ZNF761: variants seen among roughly 807,000 people sequenced by gnomAD.
ZNF761 encodes the protein zinc finger protein 761.
Under a neutral mutation model 59.9 loss-of-function variants are expected in ZNF761, and 43 were observed. The ratio of observed to expected loss-of-function variants is 0.72; its 90% confidence interval spans 0.56 to 0.92. The LOEUF (loss-of-function observed/expected upper bound fraction) is 0.92, where lower values mean the gene tolerates loss of function less well. Ranked by LOEUF, ZNF761 falls within the 40% of genes least tolerant of loss-of-function variation. ZNF761 has a pLI of 0.00. For synonymous variants in ZNF761, 294 were observed against 304.8 expected, an observed-to-expected ratio of 0.96 and a Z score of 0.37; for missense variants, 850 against 906.1, an observed-to-expected ratio of 0.94 and a Z score of 0.79.
chr19:53,441,770 A>G (rs1320637912), intron 1 of ZNF761: 1 of 903,060 alleles, frequency 1.1e-6, no homozygotes, highest in Non-Finnish European at 1.7e-6. Flanking sequence ...AGTTTTCAAA[A>G]TTTCTTTTTT....
At position 53,457,212 on chromosome 19, in the gene ZNF761, T is replaced by A; in HGVS notation, c.*464T>A. The A allele has an allele frequency of 2.0e-6, 1 of 490,242 alleles. No homozygotes were observed. The highest frequency in any genetic ancestry group is 4.1e-6 in the Non-Finnish European group (1 of 244,592). 30.4% of individuals were successfully genotyped at this position (490,242 alleles called of 1,614,324 possible). ...TAATGCTACAACCATTGTGAATCAC[T>A]GGAGAATCCATAAGGAAGAGAGATC... is the stretch of plus-strand genomic sequence containing the variant. On this transcript the variant is annotated 3_prime_UTR_variant, in exon 5 of 5. Coordinates refer to ENST00000684525, the MANE Select transcript of ZNF761 (RefSeq NM_001289951.2).
At chr19:53,446,063 GGCCCTGT>G (rs2086156209) in intron 1 of ZNF761, among the ~76,000 whole-genome samples, 157 bp from the exon 2 acceptor site, 1 of 152,124 alleles carries the variant, frequency 6.6e-6, no homozygotes, top group African/African-American at 2.4e-5. Flanking sequence ...AAATGATCAC[GGCCCTGT>G]GCCTTTCTTC....
At chr19:53,444,974 C>G (rs199665715) in intron 1 of ZNF761, 1 of 137,546 alleles carries the variant, frequency 7.3e-6, no homozygotes, top group African/African-American at 2.6e-5. Context: ...TCTTTTTTTT[C>G]TTTTTTTTCT....
At chr19:53,433,225 G>C (rs1289876631) in intron 1 of ZNF761, among the ~76,000 whole-genome samples, 1 of 152,164 alleles carries the variant, frequency 6.6e-6, no homozygotes, top group Non-Finnish European at 1.5e-5. Flanking sequence ...CAAAGACGGA[G>C]TGGGGTTTTT....
rs1182505635 is a variant in ZNF761, at chr19:53,455,536, CCAT to C, written c.1034_1036del (p.His345del). On this transcript the variant is annotated inframe_deletion, in exon 5 of 5. Coordinates refer to ENST00000684525, the MANE Select transcript of ZNF761 (RefSeq NM_001289951.2). ...TTAGGCAGAAGTCAATCCTTACACG[CCAT>C]CATCGACTTCATACTGGAGAGAAAC... 3 of 1,612,920 alleles carry C rather than the reference CCAT, an allele frequency of 1.9e-6. No individual in the cohort carries two copies. The highest frequency in any genetic ancestry group is 2.2e-5 in the South Asian group (2 of 90,914).
chr19:53,454,815 A>C lies in ZNF761; in HGVS notation c.308A>C (p.Glu103Ala), dbSNP rs2086249871. The C allele has an allele frequency of 6.2e-7, 1 of 1,614,088 alleles. No individual in the cohort carries two copies. The highest frequency in any genetic ancestry group is 1.3e-5 in the African/African-American group (1 of 74,942). The change falls in exon 5 of 5, where the codon GAA becomes GCA. Residue 103 changes from glutamate to alanine, a missense_variant. Glu to Ala is a moderately radical substitution (Grantham distance 107). Coordinates refer to ENST00000684525, the MANE Select transcript of ZNF761 (RefSeq NM_001289951.2). ...DIHDYEFQWQ[E>A]DERNGHEAPM... ...CATGACTATGAATTTCAATGGCAAG[A>C]AGATGAAAGAAATGGCCATGAAGCA...
At chr19:53,436,596 C>T (rs1013967752) in intron 1 of ZNF761, among the ~76,000 whole-genome samples, 13 of 152,172 alleles carry the variant, frequency 8.5e-5, no homozygotes, top group South Asian at 2.1e-4. Flanking sequence ...CCAGTTCATG[C>T]GCTTTACTTT....
chr19:53,452,529 AAT>A (rs2086230729), intron 4 of ZNF761, among the ~76,000 whole-genome samples: 1 of 152,078 alleles, frequency 6.6e-6, no homozygotes, highest in African/African-American at 2.4e-5. Context: ...ACTACACTCC[AAT>A]GTGGGTGACA....
chr19:53,456,952 G>T lies in ZNF761; in HGVS notation c.*204G>T. On this transcript the variant is annotated 3_prime_UTR_variant, in exon 5 of 5. Coordinates refer to ENST00000684525, the MANE Select transcript of ZNF761 (RefSeq NM_001289951.2). ...AGTTTACAGTCGCACATCAAACCGT[G>T]AAAGACAGGAGAATTCATACTGGAG... The T allele has an allele frequency of 1.4e-6, 1 of 719,568 alleles. No individual in the cohort carries two copies. The highest frequency in any genetic ancestry group is 1.7e-5 in the South Asian group (1 of 58,240). 44.6% of individuals were successfully genotyped at this position (719,568 alleles called of 1,614,324 possible).
At chr19:53,433,117 T>C (rs1600077196) in intron 1 of ZNF761, among the ~76,000 whole-genome samples, 1 of 151,598 alleles carries the variant, frequency 6.6e-6, no homozygotes, top group East Asian at 1.9e-4. Context: ...TGCGGGAAAC[T>C]GAGGACTAGA....
chr19:53,451,887 A>G (rs929302929), intron 4 of ZNF761, among the ~76,000 whole-genome samples: 1 of 151,692 alleles, frequency 6.6e-6, no homozygotes, highest in Non-Finnish European at 1.5e-5. Flanking sequence ...ATGCCTGGCC[A>G]GCCTCAAAGT....
At chr19:53,439,771 G>A (rs1393795004) in intron 1 of ZNF761, among the ~76,000 whole-genome samples, 1 of 152,114 alleles carries the variant, frequency 6.6e-6, no homozygotes, top group Non-Finnish European at 1.5e-5. Flanking sequence ...AGTGTTCTAA[G>A]GCGACTGGCA....
intron 1 of ZNF761, chr19:53,442,570 T>A: frequency 1.5e-6 from 1 of 662,576 alleles, no homozygotes; most frequent in Non-Finnish European, 2.8e-6. Context: ...ACACAAAGGA[T>A]GCTGGACCAG....
intron 2 of ZNF761, among the ~76,000 whole-genome samples, 195 bp downstream of exon 2, chr19:53,446,532 C>A (rs2086161712): frequency 6.6e-6 from 1 of 152,028 alleles, no homozygotes; most frequent in Admixed American, 6.6e-5. Flanking sequence ...ACCACCAAGC[C>A]CAGTTACTTT....
rs777213407 is a variant in ZNF761, at chr19:53,455,227, C to A, written c.720C>A (p.Asp240Glu). 6 of 1,614,108 alleles carry A rather than the reference C, an allele frequency of 3.7e-6. No individual in the cohort carries two copies. Among genetic ancestry groups the A allele is most frequent in the Non-Finnish European group, 4.2e-6 (5 of 1,180,002 alleles). ...AACATCAGATAATCCATTTAGCAGA[C>A]AAATATAAATGTGATGTATGTGGCA... is the stretch of plus-strand genomic sequence containing the variant. ...LRKHQIIHLADKYKCDVCGKL... is the reference protein window; with the variant it reads ...LRKHQIIHLAEKYKCDVCGKL... The change falls in exon 5 of 5, where the codon GAC becomes GAA. Residue 240 changes from aspartate to glutamate, a missense_variant. By Grantham distance (45) the Asp-to-Glu change is conservative. Transcript: ENST00000684525.
chr19:53,440,537 G>A (rs1446141456), intron 1 of ZNF761, among the ~76,000 whole-genome samples: 1 of 152,086 alleles, frequency 6.6e-6, no homozygotes, highest in Non-Finnish European at 1.5e-5. Context: ...GCTTCCACTT[G>A]GAATCCCTAT....
intron 3 of ZNF761, among the ~76,000 whole-genome samples, chr19:53,449,065 A>G (rs1426012409): frequency 6.6e-6 from 1 of 152,114 alleles, no homozygotes; most frequent in Non-Finnish European, 1.5e-5. Context: ...GGCGCGGTGG[A>G]TCACGCATGT....
At chr19:53,448,766 G>C (rs1394738642) in intron 3 of ZNF761, among the ~76,000 whole-genome samples, 1 of 136,108 alleles carries the variant, frequency 7.3e-6, no homozygotes. Flanking sequence ...CTGCCACCAT[G>C]GCTAGCTAAT....
chr19:53,456,910 T>C lies in ZNF761; in HGVS notation c.*162T>C. 1.2e-6 allele frequency: 1 copy of C among 865,844 alleles called. No individual in the cohort carries two copies. The allele number at this position is 865,844 out of a possible 1,614,324, so 53.6% of individuals were successfully genotyped here. Reference sequence around the variant, plus strand: ...TCATACTGGAGAGAAAGCTTATAAATGTGAAGAATGTCACAAAGTTTACAG... The same window carrying C: ...TCATACTGGAGAGAAAGCTTATAAACGTGAAGAATGTCACAAAGTTTACAG... On this transcript the variant is annotated 3_prime_UTR_variant, in exon 5 of 5. Transcript: ENST00000684525.
Sources: gnomAD v4.1 joint callset for allele counts (sites outside exome capture counted in the v4.1 genomes callset) on GRCh38, gnomAD v4.1.1 for gene constraint, MANE v1.5 for transcripts, NCBI Gene and HGNC (gene_info 2026-07-23, HGNC 2026-07-21) for gene names.